Variants in BCL11A observed in about 807,000 individuals in gnomAD.
BCL11A encodes the protein BCL11 transcription factor A.
A neutral mutation model predicts 55.9 loss-of-function variants in BCL11A; 2 were observed. The observed-to-expected ratio is 0.04, with a 90% CI of 0.01 to 0.11. The LOEUF (loss-of-function observed/expected upper bound fraction) is 0.11. BCL11A is among the 10% of genes least tolerant of loss of function. The pLI, the probability that BCL11A is intolerant of heterozygous loss-of-function variation, is 1.00. For missense variants in BCL11A, 817 were observed against 1,137.1 expected (o/e 0.72, Z 4.05); for synonymous variants, 465 against 473.4 (o/e 0.98, Z 0.23).
intron 2 of BCL11A, among the ~76,000 whole-genome samples, chr2:60,475,354 C>G (rs1677532565): frequency 6.6e-6 from 1 of 152,224 alleles, no homozygotes; most frequent in Non-Finnish European, 1.5e-5. Context: ...TTCCCCCCAC[C>G]TCAATTGTTT....
chr2:60,549,529 G>C (rs1380248641), intron 1 of BCL11A, among the ~76,000 whole-genome samples: 1 of 152,218 alleles, frequency 6.6e-6, no homozygotes, highest in East Asian at 1.9e-4. Flanking sequence ...AGTTGGGCGC[G>C]GGGACTCTGA....
intron 2 of BCL11A, among the ~76,000 whole-genome samples, chr2:60,503,989 T>TCCC: frequency 6.6e-6 from 1 of 152,126 alleles, no homozygotes; most frequent in Admixed American, 6.5e-5. Flanking sequence ...CACTGAGTAT[T>TCCC]AAGGCCCAAC....
chr2:60,543,837 G>T (rs1285139831), intron 2 of BCL11A: 1 of 152,104 alleles, frequency 6.6e-6, no homozygotes, highest in East Asian at 1.9e-4. Context: ...AGAGCTTTTC[G>T]TCTCAGTTAA....
chr2:60,515,488 A>G (rs2104515777), intron 2 of BCL11A, among the ~76,000 whole-genome samples: 1 of 152,336 alleles, frequency 6.6e-6, no homozygotes, highest in South Asian at 2.1e-4. Flanking sequence ...CCCACGAGCC[A>G]ATGTGAATAC....
intron 2 of BCL11A, chr2:60,542,048 T>C: frequency 1.7e-6 from 1 of 592,628 alleles, no homozygotes; most frequent in Non-Finnish European, 3.0e-6. Flanking sequence ...TGAATTACTA[T>C]ATCTCCCTTC....
intron 2 of BCL11A, among the ~76,000 whole-genome samples, chr2:60,475,220 T>C (rs775577285): frequency 4.6e-5 from 7 of 152,236 alleles, no homozygotes; most frequent in Non-Finnish European, 1.0e-4. Flanking sequence ...ATAAATCCTC[T>C]GAAGATTTCT....
chr2:60,550,901 C>T (rs1351361444), intron 1 of BCL11A: 3 of 389,004 alleles, frequency 7.7e-6, no homozygotes, highest in East Asian at 7.3e-5. Context: ...CGCCGCGCGC[C>T]GCGTCTGATC....
At chr2:60,513,308 G>A (rs924246500) in intron 2 of BCL11A, among the ~76,000 whole-genome samples, 2 of 152,138 alleles carry the variant, frequency 1.3e-5, no homozygotes, top group Non-Finnish European at 2.9e-5. Flanking sequence ...GACAAGGAGG[G>A]GACAAGGAAT....
At chr2:60,454,675 G>T (rs1450074904), downstream of BCL11A, among the ~76,000 whole-genome samples, 1 of 152,154 alleles carries the variant, frequency 6.6e-6, no homozygotes, top group Non-Finnish European at 1.5e-5. Context: ...AGCAGGAGAG[G>T]ATGGGGCCTG....
intron 2 of BCL11A, among the ~76,000 whole-genome samples, chr2:60,489,484 C>G (rs1678492623): frequency 1.3e-5 from 2 of 152,210 alleles, no homozygotes; most frequent in South Asian, 4.1e-4. Context: ...GCTGCCTCAT[C>G]ATCCAGGATG....
chr2:60,550,406 C>A (rs562628285), intron 1 of BCL11A, among the ~76,000 whole-genome samples: 1 of 152,198 alleles, frequency 6.6e-6, no homozygotes. Context: ...TTTCCCCCCA[C>A]CCCCACCCTC....
chr2:60,550,964 G>A (rs1338772944), intron 1 of BCL11A: 9 of 178,308 alleles, frequency 5.0e-5, no homozygotes, highest in Non-Finnish European at 1.0e-4. Flanking sequence ...GCGAGGGAGG[G>A]ATGCGAGGGG....
downstream of BCL11A, chr2:60,452,478 A>G (rs544061144): frequency 7.9e-6 from 8 of 1,009,400 alleles, no homozygotes; most frequent in Non-Finnish European, 1.1e-5. Context: ...CTTGGAGGCT[A>G]CTGTCAGAAA....
chr2:60,510,743 G>A (rs542481895), intron 2 of BCL11A, among the ~76,000 whole-genome samples: 136 of 152,298 alleles, frequency 8.9e-4, no homozygotes, highest in African/African-American at 3.1e-3. Context: ...CAAACTGCCA[G>A]GAGGCCACTC....
chr2:60,505,663 T>C (rs2104438728), intron 2 of BCL11A, among the ~76,000 whole-genome samples: 1 of 152,118 alleles, frequency 6.6e-6, no homozygotes, highest in African/African-American at 2.4e-5. Flanking sequence ...AGCAAGAGAG[T>C]TAGGAAATAA....
chr2:60,505,545 T>A (rs762179248), intron 2 of BCL11A, among the ~76,000 whole-genome samples: 25 of 152,218 alleles, frequency 1.6e-4, no homozygotes, highest in Non-Finnish European at 4.4e-5. Flanking sequence ...CTCTTTTACC[T>A]TCTTGTCCAA....
chr2:60,533,981 C>A (rs1332240453), intron 2 of BCL11A: 1 of 152,200 alleles, frequency 6.6e-6, no homozygotes, highest in African/African-American at 2.4e-5. Flanking sequence ...TATTTTCTTT[C>A]ATTAAACATT....
Position 60,459,579 on chromosome 2 carries a change from G to A in BCL11A, c.*825C>T. The A allele has an allele frequency of 9.7e-7, 1 of 1,026,676 alleles. No homozygotes were observed. The highest frequency in any genetic ancestry group is 1.2e-6 in the Non-Finnish European group (1 of 854,334). The allele number at this position is 1,026,676 out of a possible 1,614,324, so 63.6% of individuals were successfully genotyped here. On this transcript the variant is annotated 3_prime_UTR_variant, in exon 4 of 4. Coordinates refer to ENST00000642384, the MANE Select transcript of BCL11A (RefSeq NM_022893.4). ...TGAGAAATACAATATAGAATTATATGCTAGTTCCTAAGGTTTATTACCTCA... is the reference window on the plus strand; with the variant it reads ...TGAGAAATACAATATAGAATTATATACTAGTTCCTAAGGTTTATTACCTCA...
chr2:60,452,576 C>T (rs774916881), downstream of BCL11A: 14 of 1,613,734 alleles, frequency 8.7e-6, no homozygotes, highest in Non-Finnish European at 1.2e-5. Context: ...CAAATTTTCT[C>T]AGAACTTAAG....
Sources: gnomAD v4.1 joint callset for allele counts (sites outside exome capture counted in the v4.1 genomes callset) on GRCh38, gnomAD v4.1.1 for gene constraint, MANE v1.5 for transcripts, NCBI Gene and HGNC (gene_info 2026-07-23, HGNC 2026-07-21) for gene names.